SAMD12: variants seen among roughly 807,000 people sequenced by gnomAD.
The protein encoded by SAMD12 is sterile alpha motif domain-containing protein 12.
A neutral mutation model predicts 15.0 loss-of-function variants in SAMD12; 9 were observed. The observed-to-expected ratio is 0.60, with a 90% CI of 0.36 to 1.05. SAMD12 has a LOEUF of 1.05. SAMD12 is among the 50% of genes least tolerant of loss of function. The probability of loss-of-function intolerance (pLI) is 0.01; values close to 1 mark genes in which losing one functional copy is unlikely to be tolerated. For missense variants in SAMD12, 230 were observed against 234.2 expected (o/e 0.98, Z 0.12); for synonymous variants, 86 against 90.1 (o/e 0.96, Z 0.25).
intron 4 of SAMD12, among the ~76,000 whole-genome samples, chr8:118,243,158 G>T (rs1211690010): frequency 6.6e-6 from 1 of 152,182 alleles, no homozygotes; most frequent in Non-Finnish European, 1.5e-5. Flanking sequence ...AACATGGTTA[G>T]ATTTCAGAAG....
chr8:118,264,752 G>A (rs1313151983), intron 4 of SAMD12, among the ~76,000 whole-genome samples: 1 of 152,112 alleles, frequency 6.6e-6, no homozygotes, highest in African/African-American at 2.4e-5. Flanking sequence ...TGTTGGACAA[G>A]GGAGTGACAA....
At position 118,265,568 on chromosome 8, in the gene SAMD12, T is replaced by C. The variant is rs535642897; in HGVS notation, c.434-67836A>G. The stretch of plus-strand genomic sequence containing the variant: ...GGAATATCAAAGATGTAAGATAAAA[T>C]AGTGTATTGGCTGTGTGTCCTTGTT... On this transcript the variant is annotated intron_variant, in intron 4 of 4. Coordinates refer to the SAMD12 transcript ENST00000409003. Among the ~76,000 whole-genome samples the C allele has an allele frequency of 7.2e-5, 11 of 152,088 alleles. No individual in the cohort carries two copies. In the South Asian group the frequency reaches 2.1e-3, roughly 29 times the overall value.
intron 2 of SAMD12, among the ~76,000 whole-genome samples, chr8:118,461,299 T>C (rs1178633462): frequency 6.6e-6 from 1 of 152,258 alleles, no homozygotes; most frequent in Non-Finnish European, 1.5e-5. Flanking sequence ...GTTTGCTTTA[T>C]ACAATTGGCT....
chr8:118,495,714 C>T (rs1824591443), intron 2 of SAMD12, among the ~76,000 whole-genome samples: 1 of 151,964 alleles, frequency 6.6e-6, no homozygotes, highest in South Asian at 2.1e-4. Context: ...TAGCACTTAC[C>T]CCTTAGGGTT....
intron 4 of SAMD12, among the ~76,000 whole-genome samples, chr8:118,300,137 CTCAA>C (rs1249244818): frequency 3.9e-5 from 6 of 152,170 alleles, no homozygotes; most frequent in South Asian, 4.2e-4. Flanking sequence ...TATCCATCAC[CTCAA>C]TCATTCATAA....
At chr8:118,504,559 C>T (rs1316529632) in intron 2 of SAMD12, among the ~76,000 whole-genome samples, 1 of 152,110 alleles carries the variant, frequency 6.6e-6, no homozygotes, top group Non-Finnish European at 1.5e-5. Flanking sequence ...TGTCTTAATC[C>T]CTGTAGCCTG....
At chr8:118,403,798 G>C (rs1026241221) in intron 3 of SAMD12, among the ~76,000 whole-genome samples, 1 of 152,164 alleles carries the variant, frequency 6.6e-6, no homozygotes. Flanking sequence ...GGAAGCTCTG[G>C]AGAGGTAGTG....
intron 4 of SAMD12, among the ~76,000 whole-genome samples, chr8:118,285,844 C>A (rs1813956590): frequency 6.6e-6 from 1 of 152,244 alleles, no homozygotes; most frequent in Admixed American, 6.5e-5. Context: ...AAAAGTCTGA[C>A]CCTGTGAGAA....
At chr8:118,617,418 G>A (rs1037359705) in intron 1 of SAMD12, among the ~76,000 whole-genome samples, 17 of 152,204 alleles carry the variant, frequency 1.1e-4, no homozygotes, top group African/African-American at 4.1e-4. Flanking sequence ...CCTGAGCACT[G>A]AATGACTTAT....
At chr8:118,543,775 C>T (rs1286291928) in intron 2 of SAMD12, among the ~76,000 whole-genome samples, 1 of 151,944 alleles carries the variant, frequency 6.6e-6, no homozygotes, top group Non-Finnish European at 1.5e-5. Context: ...AGTCTTCCTT[C>T]AGAATATATA....
chr8:118,430,755 T>C lies in SAMD12; in HGVS notation c.322+9077A>G, dbSNP rs557666742. 3.3e-5 allele frequency among the ~76,000 whole-genome samples: 5 copies of C among 152,314 alleles called. 1 individual carries two copies. The South Asian group carries it at 1.0e-3, about 32-fold the overall frequency. On this transcript the variant is annotated intron_variant, in intron 3 of 3. Coordinates refer to ENST00000314727, the MANE Select transcript of SAMD12 (RefSeq NM_207506.3). ...AAGAGTCTTGACTGTGTTAGTGTAA[T>C]ACATCTTTCTCCAATACTTTACTTT... is the stretch of plus-strand genomic sequence containing the variant.
chr8:118,178,388 G>A, the SAMD12 span, among the ~76,000 whole-genome samples: 1 of 152,094 alleles, frequency 6.6e-6, no homozygotes, highest in African/African-American at 2.4e-5. Flanking sequence ...CTAAGTTTTG[G>A]CTCTTTTGGA....
At chr8:118,165,125 A>T in the SAMD12 span, among the ~76,000 whole-genome samples, 1 of 152,072 alleles carries the variant, frequency 6.6e-6, no homozygotes, top group South Asian at 2.1e-4. Context: ...CACAACCAAG[A>T]TTGCCCTCAC....
At chr8:118,549,643 C>A (rs553715194) in intron 2 of SAMD12, among the ~76,000 whole-genome samples, 39 of 152,312 alleles carry the variant, frequency 2.6e-4, no homozygotes, top group Middle Eastern at 6.8e-3. Flanking sequence ...TCCAAAGGAA[C>A]GCAGTTCCTC....
intron 2 of SAMD12, among the ~76,000 whole-genome samples, chr8:118,485,496 T>TA (rs1824250649): frequency 6.6e-6 from 1 of 152,248 alleles, no homozygotes; most frequent in African/African-American, 2.4e-5. Context: ...ATAGAGATTT[T>TA]ATCTTTCCTC....
chr8:118,181,662 T>G, the SAMD12 span, among the ~76,000 whole-genome samples: 2 of 152,230 alleles, frequency 1.3e-5, no homozygotes, highest in South Asian at 4.1e-4. Flanking sequence ...ACTAAGAGAC[T>G]GAGCTAAACA....
intron 4 of SAMD12, among the ~76,000 whole-genome samples, chr8:118,337,701 G>A (rs1180109472): frequency 1.3e-5 from 2 of 152,150 alleles, no homozygotes; most frequent in South Asian, 4.1e-4. Flanking sequence ...TTCTCAGATG[G>A]ACTGTCCTGA....
At chr8:118,391,009 A>T (rs1028486430) in intron 3 of SAMD12, among the ~76,000 whole-genome samples, 1 of 152,228 alleles carries the variant, frequency 6.6e-6, no homozygotes, top group Non-Finnish European at 1.5e-5. Context: ...TTTCAAACAG[A>T]AAATGTGACC....
chr8:118,525,836 C>G (rs1277116510), intron 2 of SAMD12, among the ~76,000 whole-genome samples: 1 of 152,212 alleles, frequency 6.6e-6, no homozygotes, highest in Non-Finnish European at 1.5e-5. Flanking sequence ...CCATTTGCTT[C>G]TATGTTTAAA....
Sources: allele counts gnomAD v4.1 joint callset (sites outside exome capture counted in the v4.1 genomes callset), GRCh38; gene constraint gnomAD v4.1.1; transcripts MANE v1.5; gene names NCBI Gene and HGNC (gene_info 2026-07-23, HGNC 2026-07-21).